Variants in ARPP21 observed in about 807,000 individuals in gnomAD.
ARPP21 encodes the protein cAMP-regulated phosphoprotein 21.
In ARPP21, 69 loss-of-function variants were observed where a neutral mutation model predicts 113.2. That is an observed-to-expected ratio of 0.61 (90% confidence interval 0.50 to 0.74). The LOEUF (loss-of-function observed/expected upper bound fraction) is 0.74. ARPP21 is among the 30% of genes least tolerant of loss of function. The probability of loss-of-function intolerance (pLI) is 0.00; values close to 1 mark genes in which losing one functional copy is unlikely to be tolerated. For synonymous variants in ARPP21, 368 were observed against 375.5 expected (o/e 0.98, Z 0.23); for missense variants, 1,070 against 1,037.4 (o/e 1.03, Z -0.43).
At chr3:35,731,448 C>A (rs897398250) in intron 15 of ARPP21, among the ~76,000 whole-genome samples, 2 of 152,018 alleles carry the variant, frequency 1.3e-5, no homozygotes, top group African/African-American at 4.8e-5. Context: ...TCTGATCTGA[C>A]AAATGCTAAA....
intron 19 of ARPP21, among the ~76,000 whole-genome samples, chr3:35,757,338 C>T (rs1051614102): frequency 1.1e-4 from 17 of 152,078 alleles, no homozygotes; most frequent in African/African-American, 4.1e-4. Context: ...GCTGGGGTTA[C>T]AGGAGTGAGC....
intron 20 of ARPP21, 81 bp from the exon 21 acceptor site, chr3:35,793,620 A>G (rs2096790790): frequency 1.0e-6 from 1 of 955,406 alleles, no homozygotes; most frequent in South Asian, 1.4e-5. Flanking sequence ...AAGTTTGAAT[A>G]TTTTTCATGA....
chr3:35,720,975 G>A (rs1033778419), intron 13 of ARPP21, among the ~76,000 whole-genome samples: 2 of 152,086 alleles, frequency 1.3e-5, no homozygotes, highest in African/African-American at 4.8e-5. Context: ...ATAATTAAAG[G>A]GTTCTTTCCT....
At chr3:35,681,662 T>C (rs1447129993) in intron 2 of ARPP21, 52 bp from the exon 3 acceptor site, 2 of 881,386 alleles carry the variant, frequency 2.3e-6, no homozygotes, top group African/African-American at 1.7e-5. Context: ...CTCTAAAGAA[T>C]GATAGTAAAT....
intron 15 of ARPP21, among the ~76,000 whole-genome samples, chr3:35,730,275 A>G (rs908924751): frequency 2.0e-5 from 3 of 152,222 alleles, no homozygotes; most frequent in Non-Finnish European, 4.4e-5. Context: ...AACATCAGCC[A>G]ATGAACTCAG....
At chr3:35,785,967 C>T (rs1018573041) in intron 19 of ARPP21, among the ~76,000 whole-genome samples, 2 of 151,968 alleles carry the variant, frequency 1.3e-5, no homozygotes, top group East Asian at 1.9e-4. Flanking sequence ...GATACAGCAA[C>T]TGCCAATAAA....
intron 18 of ARPP21, 108 bp downstream of exon 18, chr3:35,739,685 G>C: frequency 7.2e-7 from 1 of 1,387,058 alleles, no homozygotes; most frequent in Non-Finnish European, 9.7e-7. Flanking sequence ...TCCCTTTCTA[G>C]TCTATATTAA....
chr3:35,715,022 T>A (rs2150158115), intron 11 of ARPP21: 1 of 156,856 alleles, frequency 6.4e-6, no homozygotes, highest in Admixed American at 6.2e-5. Flanking sequence ...CTCCCATTCT[T>A]AACGTGGATC....
intron 19 of ARPP21, among the ~76,000 whole-genome samples, chr3:35,791,816 C>A (rs2096753611): frequency 6.6e-6 from 1 of 152,156 alleles, no homozygotes; most frequent in African/African-American, 2.4e-5. Flanking sequence ...CTTGCTGTTG[C>A]CTTTTTGTCT....
intron 6 of ARPP21, 107 bp downstream of exon 6, chr3:35,687,990 A>G: frequency 1.9e-6 from 2 of 1,034,288 alleles, no homozygotes; most frequent in Admixed American, 5.0e-5. Context: ...AACCCTGCAT[A>G]TGATTCTATA....
intron 15 of ARPP21, among the ~76,000 whole-genome samples, chr3:35,731,346 G>A (rs747735549): frequency 3.3e-5 from 5 of 152,176 alleles, no homozygotes; most frequent in East Asian, 1.9e-4. Context: ...GAGTCATTTA[G>A]AGCTGTTATC....
At chr3:35,681,636 A>G (rs531877873) in intron 2 of ARPP21, 78 bp from the exon 3 acceptor site, 1 of 753,516 alleles carries the variant, frequency 1.3e-6, no homozygotes, top group African/African-American at 1.7e-5. Context: ...TTTGAATATG[A>G]AAGGAGAAAT....
intron 1 of ARPP21, among the ~76,000 whole-genome samples, chr3:35,655,638 T>C (rs1704512705): frequency 6.6e-6 from 1 of 152,028 alleles, no homozygotes; most frequent in African/African-American, 2.4e-5. Context: ...CAATTGGTGA[T>C]TCAGGGCCCA....
intron 4 of ARPP21, 31 bp downstream of exon 4, chr3:35,682,920 A>T (rs936673881): frequency 1.3e-5 from 20 of 1,555,456 alleles, no homozygotes; most frequent in Non-Finnish European, 1.7e-5. Flanking sequence ...GGTAGACCTG[A>T]TATCATGGGT....
chr3:35,762,103 C>G (rs1452898294), intron 19 of ARPP21, among the ~76,000 whole-genome samples: 1 of 142,554 alleles, frequency 7.0e-6, no homozygotes, highest in Non-Finnish European at 1.5e-5. Flanking sequence ...TCTCCTCTCT[C>G]TCTCTCTCTC....
chr3:35,764,278 A>G (rs1340325513), intron 19 of ARPP21, among the ~76,000 whole-genome samples: 1 of 152,170 alleles, frequency 6.6e-6, no homozygotes, highest in Non-Finnish European at 1.5e-5. Flanking sequence ...AAGAATTATA[A>G]CAGTATAATA....
At chr3:35,718,843 C>G (rs2092746860) in intron 13 of ARPP21, among the ~76,000 whole-genome samples, 1 of 146,722 alleles carries the variant, frequency 6.8e-6, no homozygotes, top group East Asian at 2.0e-4. Context: ...GCTCCAATGA[C>G]AGATATCTCA....
intron 12 of ARPP21, 96 bp downstream of exon 12, chr3:35,715,572 C>T: frequency 2.0e-6 from 2 of 978,040 alleles, no homozygotes; most frequent in Non-Finnish European, 3.2e-6. Flanking sequence ...TATGTGTGTG[C>T]TTGAATATAT....
chr3:35,739,908 T>G (rs1232187713), intron 18 of ARPP21, among the ~76,000 whole-genome samples: 1 of 152,150 alleles, frequency 6.6e-6, no homozygotes, highest in Non-Finnish European at 1.5e-5. Flanking sequence ...AGGAAAAGCC[T>G]TGGGGAAGGG....
Sources: allele counts gnomAD v4.1 joint callset (sites outside exome capture counted in the v4.1 genomes callset), GRCh38; gene constraint gnomAD v4.1.1; transcripts MANE v1.5; gene names NCBI Gene and HGNC (gene_info 2026-07-23, HGNC 2026-07-21).